ADAM12: variants seen among roughly 807,000 people sequenced by gnomAD.
The protein encoded by ADAM12 is disintegrin and metalloproteinase domain-containing protein 12.
Under a neutral mutation model 106.4 loss-of-function variants are expected in ADAM12, and 70 were observed. That is an observed-to-expected ratio of 0.66 (90% CI 0.54 to 0.80). The LOEUF is 0.80. Among genes scored for constraint, ADAM12 ranks in the 30% least tolerant of loss-of-function variants. The pLI is 0.00. For missense variants in ADAM12, 1,010 were observed against 1,171.9 expected (o/e 0.86, Z 2.02); for synonymous variants, 420 against 433.5 (o/e 0.97, Z 0.39).
chr10:126,345,085 C>T (rs1395525544), intron 1 of ADAM12, among the ~76,000 whole-genome samples: 1 of 152,176 alleles, frequency 6.6e-6, no homozygotes. Flanking sequence ...TGAGAGAGGG[C>T]ATCCCTGTCT....
chr10:126,218,277 T>G (rs1438691798), intron 3 of ADAM12, among the ~76,000 whole-genome samples: 1 of 152,130 alleles, frequency 6.6e-6, no homozygotes, highest in Admixed American at 6.5e-5. Context: ...AGGCGTAACT[T>G]GGGCCATCAC....
chr10:126,282,049 C>T (rs886260052), intron 2 of ADAM12, among the ~76,000 whole-genome samples: 1 of 152,170 alleles, frequency 6.6e-6, no homozygotes, highest in Non-Finnish European at 1.5e-5. Flanking sequence ...GACTGTGTGG[C>T]TTAAACAACA....
intron 3 of ADAM12, among the ~76,000 whole-genome samples, chr10:126,175,637 C>T (rs1957206587): frequency 1.3e-5 from 2 of 152,228 alleles, no homozygotes; most frequent in Admixed American, 6.5e-5. Context: ...ATAACCTAGT[C>T]GTTTCATTCG....
intron 1 of ADAM12, among the ~76,000 whole-genome samples, chr10:126,359,688 G>A (rs1332443853): frequency 2.0e-5 from 3 of 152,112 alleles, no homozygotes; most frequent in Admixed American, 6.5e-5. Context: ...CTACTTTCAC[G>A]GGCTGGTGTT....
chr10:126,216,110 A>T (rs953918431), intron 3 of ADAM12, among the ~76,000 whole-genome samples: 22 of 152,184 alleles, frequency 1.4e-4, no homozygotes, highest in African/African-American at 5.1e-4. Flanking sequence ...TGCTTCTTTT[A>T]AAACAGTCTG....
chr10:126,145,988 A>G (rs1475647002), intron 4 of ADAM12, among the ~76,000 whole-genome samples: 2 of 152,230 alleles, frequency 1.3e-5, no homozygotes, highest in African/African-American at 4.8e-5. Flanking sequence ...TGTAAATGCA[A>G]TCTTGTGATA....
At chr10:126,187,406 A>C (rs1418540969) in intron 3 of ADAM12, among the ~76,000 whole-genome samples, 3 of 152,326 alleles carry the variant, frequency 2.0e-5, no homozygotes, top group African/African-American at 7.2e-5. Flanking sequence ...AAATGATTTC[A>C]ACCTTCCTTC....
intron 3 of ADAM12, among the ~76,000 whole-genome samples, chr10:126,229,697 C>T (rs1256025075): frequency 1.3e-5 from 2 of 149,130 alleles, no homozygotes; most frequent in Non-Finnish European, 3.0e-5. Flanking sequence ...GCCTCCTTCC[C>T]TACCTTCCAC....
chr10:126,388,392 T>C lies in ADAM12; in HGVS notation c.-247A>G. 1 of 376,758 alleles carries C rather than the reference T, an allele frequency of 2.7e-6. No individual in the cohort carries two copies. The highest frequency in any genetic ancestry group is 4.3e-6 in the Non-Finnish European group (1 of 229,900). The allele number at this position is 376,758 out of a possible 1,614,324, so 23.3% of individuals were successfully genotyped here. A position where few individuals can be genotyped will look rare whatever the true frequency, so the allele number is the denominator to read the frequency against. On this transcript the variant is annotated 5_prime_UTR_variant, in exon 1 of 23. Transcript: ENST00000448723. This position sits in a 1 kb window ranked among gnomAD's most constrained non-coding sequence, Gnocchi z 4.4. Reference sequence around the variant, plus strand: ...CGCGCCGTTCTGGCACAAGCCAGCCTTGACCGTTGCAATAAATGAGCAAAC... The same window carrying C: ...CGCGCCGTTCTGGCACAAGCCAGCCCTGACCGTTGCAATAAATGAGCAAAC...
intron 3 of ADAM12, among the ~76,000 whole-genome samples, chr10:126,224,824 G>T (rs549110698): frequency 6.6e-5 from 10 of 152,358 alleles, no homozygotes; most frequent in African/African-American, 2.4e-4. Context: ...GAGGCACTCT[G>T]CAGCCCCAGC....
rs1244004167 is a variant in ADAM12, at chr10:126,064,965, T to C, written c.1450A>G (p.Asn484Asp). ...CAGAACTCTGGGAGGTCACAGGAGT[T>C]GCTGGAGTCCCTGCACGCTGTTCCT... ...PAGTACRDSS[N>D]SCDLPEFCTG... Residue 484 changes from asparagine to aspartate, a missense_variant, in exon 14 of 23, where the codon AAC becomes GAC. Transcript: ENST00000448723. This position sits in a 1 kb window ranked among gnomAD's most constrained non-coding sequence, Gnocchi z 4.4. 2 of 1,612,978 alleles carry C rather than the reference T, an allele frequency of 1.2e-6. No homozygotes were observed. Among genetic ancestry groups the C allele is most frequent in the Non-Finnish European group, 1.7e-6 (2 of 1,179,680 alleles).
At chr10:126,204,666 A>G (rs1957764171) in intron 3 of ADAM12, among the ~76,000 whole-genome samples, 1 of 152,252 alleles carries the variant, frequency 6.6e-6, no homozygotes, top group Non-Finnish European at 1.5e-5. Context: ...GAATTTAAAG[A>G]CGGTGATAGC....
chr10:126,051,852 C>T (rs1954512764), intron 14 of ADAM12, among the ~76,000 whole-genome samples: 1 of 152,258 alleles, frequency 6.6e-6, no homozygotes, highest in Non-Finnish European at 1.5e-5. Flanking sequence ...TCCTCTAAAG[C>T]CCAGTGTTAG....
chr10:126,088,405 T>A (rs975834573), intron 11 of ADAM12, among the ~76,000 whole-genome samples: 2 of 152,032 alleles, frequency 1.3e-5, no homozygotes, highest in African/African-American at 4.8e-5. Context: ...TCTGATGTCA[T>A]TAGAGAAGGC....
chr10:126,049,795 C>T lies in ADAM12; in HGVS notation c.1610-126G>A, dbSNP rs181721236. The T allele has an allele frequency of 1.3e-4, 108 of 848,126 alleles. No individual in the cohort carries two copies. In the African/African-American group the frequency reaches 1.7e-3, roughly 13 times the overall value. 52.5% of individuals were successfully genotyped at this position (848,126 alleles called of 1,614,324 possible). A position where few individuals can be genotyped will look rare whatever the true frequency, so the allele number is the denominator to read the frequency against. On this transcript the variant is annotated intron_variant, in intron 14 of 22. Coordinates refer to ENST00000448723, the MANE Select transcript of ADAM12 (RefSeq NM_001288973.2). The surrounding 1 kb of genome is among the most constrained non-coding windows in gnomAD (Gnocchi z 4.4). ...CAATCACACCCAGTGTCTGTCCCGACTCATGGTGGGAGCTGGCCAGGGGAA... is the reference window on the plus strand; with the variant it reads ...CAATCACACCCAGTGTCTGTCCCGATTCATGGTGGGAGCTGGCCAGGGGAA...
rs1338514391 is a variant in ADAM12, at chr10:126,022,083, CAA to C, written c.2530-2260_2530-2259del. 7.9e-5 allele frequency among the ~76,000 whole-genome samples: 12 copies of C among 152,056 alleles called. 1 individual carries two copies. The highest frequency in any genetic ancestry group is 1.3e-4 in the Admixed American group (2 of 15,270). On this transcript the variant is annotated intron_variant, in intron 21 of 22. Coordinates refer to ENST00000448723, the MANE Select transcript of ADAM12 (RefSeq NM_001288973.2). ...AAAGAATAACGTCAGGTTTTTATTG[CAA>C]TGCTGGAGAAAAAGTGAGGTATGTA...
chr10:126,253,674 G>A (rs1398400071), intron 3 of ADAM12, among the ~76,000 whole-genome samples: 1 of 152,178 alleles, frequency 6.6e-6, no homozygotes, highest in Non-Finnish European at 1.5e-5. Context: ...CACTTTGCTT[G>A]AGCAGATCTT....
intron 1 of ADAM12, among the ~76,000 whole-genome samples, chr10:126,335,819 AC>A (rs1411068901): frequency 2.0e-5 from 3 of 152,196 alleles, no homozygotes; most frequent in Non-Finnish European, 4.4e-5. Context: ...TGTGGATGGT[AC>A]GACCCTTGAC....
chr10:126,185,447 G>A (rs897234946), intron 3 of ADAM12, among the ~76,000 whole-genome samples: 2 of 151,832 alleles, frequency 1.3e-5, no homozygotes, highest in East Asian at 3.9e-4. Flanking sequence ...CAAGAGTCAA[G>A]GGTTGCTGGA....
Sources: allele counts gnomAD v4.1 joint callset (sites outside exome capture counted in the v4.1 genomes callset), GRCh38; gene constraint gnomAD v4.1.1; non-coding constraint Gnocchi (gnomAD v3.1); transcripts MANE v1.5; gene names NCBI Gene and HGNC (gene_info 2026-07-23, HGNC 2026-07-21).